Variants in KIF17 observed in about 807,000 individuals in gnomAD.
KIF17 encodes kinesin-like protein KIF17.
In KIF17, 80 loss-of-function variants were observed where a neutral mutation model predicts 96.8. That is an observed-to-expected ratio of 0.83 (90% CI 0.69 to 1.00). KIF17 has a LOEUF of 1.00. KIF17 is among the 50% of genes least tolerant of loss of function. KIF17 has a pLI of 0.00. For missense variants in KIF17, 1,280 were observed against 1,372.9 expected, an observed-to-expected ratio of 0.93 and a Z score of 1.07; for synonymous variants, 567 against 587.5, an observed-to-expected ratio of 0.97 and a Z score of 0.51.
intron 10 of KIF17, among the ~76,000 whole-genome samples, chr1:20,684,475 C>A (rs573520617): frequency 2.6e-5 from 4 of 152,342 alleles, no homozygotes; most frequent in African/African-American, 9.6e-5. Context: ...GATGGCTTGT[C>A]CTGTGGGTGA....
intron 13 of KIF17, among the ~76,000 whole-genome samples, chr1:20,670,010 A>G (rs2053612575): frequency 6.9e-6 from 1 of 144,114 alleles, no homozygotes; most frequent in Non-Finnish European, 1.5e-5. Flanking sequence ...AAAAAAAAAG[A>G]CAGAATATGA....
rs1341755629 is a variant in KIF17, at chr1:20,704,332, G to A, written c.1123+115C>T. ...TGCGCTCACATGGGGCTGAGGGGTG[G>A]GAGGATGCTGCTCCCACTGTCTTTT... On this transcript the variant is annotated intron_variant, in intron 5 of 14. Coordinates refer to ENST00000400463, the MANE Select transcript of KIF17 (RefSeq NM_001122819.3). The surrounding 1 kb of genome is among the most constrained non-coding windows in gnomAD (Gnocchi z 6.8). 4 of 854,112 alleles carry A rather than the reference G, an allele frequency of 4.7e-6. No homozygotes were observed. The highest frequency in any genetic ancestry group is 7.6e-6 in the Non-Finnish European group (4 of 523,176). 52.9% of individuals were successfully genotyped at this position (854,112 alleles called of 1,614,324 possible). A position where few individuals can be genotyped will look rare whatever the true frequency, so the allele number is the denominator to read the frequency against.
chr1:20,684,385 G>C (rs955104742), intron 10 of KIF17, among the ~76,000 whole-genome samples: 6 of 152,250 alleles, frequency 3.9e-5, no homozygotes, highest in African/African-American at 9.6e-5. Context: ...CCGAGGCTCA[G>C]AAAAGTTAAG....
intron 11 of KIF17, among the ~76,000 whole-genome samples, chr1:20,679,914 A>G (rs1293306827): frequency 6.6e-6 from 1 of 152,204 alleles, no homozygotes; most frequent in Non-Finnish European, 1.5e-5. Context: ...GTGAGATGAT[A>G]TGTTTGTGTA....
intron 12 of KIF17, among the ~76,000 whole-genome samples, chr1:20,671,552 C>T (rs2053647725): frequency 6.6e-6 from 1 of 151,794 alleles, no homozygotes; most frequent in Admixed American, 6.6e-5. Flanking sequence ...CCAGGCTGGT[C>T]TCGAACTCCT....
chr1:20,697,114 C>G (rs527239572), intron 6 of KIF17, among the ~76,000 whole-genome samples: 2 of 152,344 alleles, frequency 1.3e-5, no homozygotes, highest in East Asian at 3.9e-4. Flanking sequence ...GAGATCTCCA[C>G]AGTCCTTCTC....
rs1054147671 is a variant in KIF17 at position 20,699,544 on chromosome 1, C to T, written c.1124-1056G>A. The stretch of plus-strand genomic sequence containing the variant: ...TGGCGCCACTGCACTCCAGCCTGGG[C>T]GAAAGAGCAAGACTCCGTCTCAAAA... On this transcript the variant is annotated intron_variant, in intron 5 of 14. Transcript: ENST00000400463. The surrounding 1 kb of genome is among the most constrained non-coding windows in gnomAD (Gnocchi z 4.3). 5.3e-5 allele frequency among the ~76,000 whole-genome samples: 8 copies of T among 152,022 alleles called. No individual in the cohort carries two copies. The highest frequency in any genetic ancestry group is 4.6e-4 in the Admixed American group (7 of 15,252).
Position 20,685,071 on chromosome 1 carries a change from C to G in KIF17, c.2020-51G>C. The G allele has an allele frequency of 6.9e-7, 1 of 1,453,450 alleles. No homozygotes were observed. The allele number at this position is 1,453,450 out of a possible 1,614,324, so 90.0% of individuals were successfully genotyped here. Reference sequence around the variant, plus strand: ...GAGGTGGGAAGGCCGCCCCAACCCCCGCCGACAGCTCCCAGGTGGCTCAAT... The same window carrying G: ...GAGGTGGGAAGGCCGCCCCAACCCCGGCCGACAGCTCCCAGGTGGCTCAAT... On this transcript the variant is annotated intron_variant, in intron 9 of 14. Transcript: ENST00000400463. This position sits in a 1 kb window ranked among gnomAD's most constrained non-coding sequence, Gnocchi z 4.1.
At chr1:20,707,569 G>A (rs1167038626) in intron 4 of KIF17, among the ~76,000 whole-genome samples, 3 of 151,986 alleles carry the variant, frequency 2.0e-5, no homozygotes, top group Non-Finnish European at 4.4e-5. Flanking sequence ...CCAGGAGTTC[G>A]AGACCAGCCT....
chr1:20,692,010 A>G (rs1400589441), intron 6 of KIF17, among the ~76,000 whole-genome samples: 23 of 151,952 alleles, frequency 1.5e-4, no homozygotes, highest in Admixed American at 1.5e-3. Context: ...TCTGGCCCCA[A>G]CCTCTCTCTG....
chr1:20,664,889 G>A (rs2053498179), intron 14 of KIF17, 127 bp from the exon 15 acceptor site: 3 of 895,834 alleles, frequency 3.3e-6, no homozygotes, highest in Non-Finnish European at 5.4e-6. Flanking sequence ...CAGAGGCCCT[G>A]GCCCTGCAGC....
chr1:20,712,882 A>ATAGATAATATTATCTATATC (rs1553153031), intron 3 of KIF17, among the ~76,000 whole-genome samples: 1,404 of 83,150 alleles, frequency 0.017, 125 homozygotes, highest in African/African-American at 0.076. Flanking sequence ...TTATCTATAT[A>ATAGATAATATTATCTATATC]TAATATAGAT....
chr1:20,714,488 TCAAAAA>T (rs1247508708), intron 2 of KIF17, among the ~76,000 whole-genome samples: 4 of 150,678 alleles, frequency 2.7e-5, no homozygotes, highest in African/African-American at 4.9e-5. Flanking sequence ...AGACTCCGTC[TCAAAAA>T]CAAAAACAAA....
Position 20,711,024 on chromosome 1 carries a change from G to A in KIF17, c.481-1196C>T, listed in dbSNP as rs1422010270. On this transcript the variant is annotated intron_variant, in intron 3 of 14. Coordinates refer to ENST00000400463, the MANE Select transcript of KIF17 (RefSeq NM_001122819.3). ...GCAGCTGTGAGGAGGGAGCCCAGAG[G>A]ACGGAGCCGCGTGTGGCCTGAGGGC... Among the ~76,000 whole-genome samples, 5 of 152,048 alleles carry A rather than the reference G, an allele frequency of 3.3e-5. No individual in the cohort carries two copies. In the East Asian group the frequency reaches 9.6e-4, roughly 29 times the overall value.
At position 20,709,932 on chromosome 1, in the gene KIF17, G is replaced by A. The variant is rs969422192; in HGVS notation, c.481-104C>T. The A allele has an allele frequency of 2.8e-5, 30 of 1,084,980 alleles. No individual in the cohort carries two copies. The highest frequency in any genetic ancestry group is 4.5e-4 in the Middle Eastern group (2 of 4,414). 67.2% of individuals were successfully genotyped at this position (1,084,980 alleles called of 1,614,324 possible). ...GAAGGGCCCCATCCAGACCGCCCTC[G>A]CCCTCCTGTAATGCAGGCTGGCACC... On this transcript the variant is annotated intron_variant, in intron 3 of 14. Transcript: ENST00000400463. The surrounding 1 kb of genome is among the most constrained non-coding windows in gnomAD (Gnocchi z 4.7).
intron 13 of KIF17, among the ~76,000 whole-genome samples, chr1:20,668,373 G>A (rs1224069394): frequency 6.6e-6 from 1 of 151,744 alleles, no homozygotes; most frequent in Admixed American, 6.6e-5. Context: ...AGATCCAGCC[G>A]TGCCTGAAAC....
chr1:20,664,314 G>A lies in KIF17; in HGVS notation c.*270C>T. On this transcript the variant is annotated 3_prime_UTR_variant, in exon 15 of 15. Transcript: ENST00000400463. ...TGGTGGGCATGGGTGTGGGCTCTGT[G>A]GCAGGTGAGCAGACGGAAACACTGA... The A allele has an allele frequency of 7.3e-7, 1 of 1,374,344 alleles. No individual in the cohort carries two copies. The highest frequency in any genetic ancestry group is 1.5e-5 in the South Asian group (1 of 65,798). The allele number at this position is 1,374,344 out of a possible 1,614,324, so 85.1% of individuals were successfully genotyped here. A position where few individuals can be genotyped will look rare whatever the true frequency, so the allele number is the denominator to read the frequency against.
At chr1:20,717,186 G>A (rs1180237426) in intron 1 of KIF17, among the ~76,000 whole-genome samples, 2 of 152,178 alleles carry the variant, frequency 1.3e-5, no homozygotes, top group Non-Finnish European at 1.5e-5. Flanking sequence ...AAAATTAGAC[G>A]GGCGTGGTGG....
Position 20,666,254 on chromosome 1 carries a change from C to T in KIF17, c.2868G>A (p.Arg956=). 1 of 1,614,208 alleles carries T rather than the reference C, an allele frequency of 6.2e-7. No individual in the cohort carries two copies. The highest frequency in any genetic ancestry group is 8.5e-7 in the Non-Finnish European group (1 of 1,180,030). ...NIASNYFRSK[R]ASQILSTDAR... is the part of the protein sequence containing the mutation. ...CGTCTGTGCTGAGGATCTGGCTGGC[C>T]CGCTTAGATCGGAAGTAGTTGCTGG... The change falls in exon 14 of 15, where the codon CGG becomes CGA. Residue 956 remains arginine (R), a synonymous_variant. Coordinates refer to ENST00000400463, the MANE Select transcript of KIF17 (RefSeq NM_001122819.3).
Sources: allele counts gnomAD v4.1 joint callset (sites outside exome capture counted in the v4.1 genomes callset), GRCh38; gene constraint gnomAD v4.1.1; non-coding constraint Gnocchi (gnomAD v3.1); transcripts MANE v1.5; gene names NCBI Gene and HGNC (gene_info 2026-07-23, HGNC 2026-07-21).